The following WSB1 variants were observed in gnomAD, a reference collection of about 807,000 sequenced individuals.
The protein encoded by WSB1 is WD repeat and SOCS box containing 1, also known as WD repeat and SOCS box-containing protein 1.
In WSB1, 23 loss-of-function variants were observed where a neutral mutation model predicts 50.2. The ratio of observed to expected loss-of-function variants is 0.46; its 90% CI spans 0.33 to 0.65. The LOEUF is 0.65. Among genes scored for constraint, WSB1 ranks in the 30% least tolerant of loss-of-function variants. The probability of loss-of-function intolerance (pLI) is 0.02; values close to 1 mark genes in which losing one functional copy is unlikely to be tolerated. For missense variants in WSB1, 492 were observed against 522.3 expected, an observed-to-expected ratio of 0.94 and a Z score of 0.56; for synonymous variants, 179 against 172.0, an observed-to-expected ratio of 1.04 and a Z score of -0.32.
rs2016857816 is a variant in WSB1, at chr17:27,294,434, C to T, written c.39C>T (p.Ile13=). ...CCCCGAGGGTCAACGAGAAAGAGAT[C>T]GGTGAGGATTGGGACCGTGGGTGGG... The part of the protein sequence containing the change: ...SFPPRVNEKE[I]VRLRTIGELL... Residue 13 remains isoleucine, a splice_region_variant and synonymous_variant, in exon 1 of 9, where the codon ATC becomes ATT. Transcript: ENST00000262394. 6.2e-7 allele frequency: 1 copy of T among 1,612,708 alleles called. No homozygotes were observed. Among genetic ancestry groups the T allele is most frequent in the African/African-American group, 1.3e-5 (1 of 74,852 alleles).
intron 7 of WSB1, 88 bp from the exon 8 acceptor site, chr17:27,311,421 A>C: frequency 1.0e-6 from 1 of 984,074 alleles, no homozygotes; most frequent in Non-Finnish European, 1.5e-6. Flanking sequence ...GTGACTCATA[A>C]CTCAATGGCA....
chr17:27,301,023 C>G (rs563578554), intron 1 of WSB1, among the ~76,000 whole-genome samples: 46 of 152,244 alleles, frequency 3.0e-4, no homozygotes, highest in Non-Finnish European at 6.2e-4. Flanking sequence ...AGGCGCCCAC[C>G]ACCACGCCCA....
chr17:27,315,788 T>TATGG lies in WSB1; in HGVS notation c.*3423_*3426dup, dbSNP rs767042785. 4.6e-5 allele frequency: 7 copies of TATGG among 152,362 alleles called. No individual in the cohort carries two copies. Among genetic ancestry groups the TATGG allele is most frequent in the Non-Finnish European group, 8.8e-5 (6 of 68,036 alleles). 9.4% of individuals were successfully genotyped at this position (152,362 alleles called of 1,614,324 possible). A position where few individuals can be genotyped will look rare whatever the true frequency, so the allele number is the denominator to read the frequency against. Reference sequence around the variant, plus strand: ...TATAAAACAAATATCTAGAGTTATATATGGATGTACTATCATTTGGTGATA... The same window carrying TATGG: ...TATAAAACAAATATCTAGAGTTATATATGGATGGATGTACTATCATTTGGTGATA... On this transcript the variant is annotated 3_prime_UTR_variant, in exon 9 of 9. Coordinates refer to ENST00000262394, the MANE Select transcript of WSB1 (RefSeq NM_015626.10).
At position 27,301,925 on chromosome 17, in the gene WSB1, C is replaced by G. The variant is rs1390646070; in HGVS notation, c.178C>G (p.Leu60Val). ...GTCACAAGGACATCGCACAGTAAAG[C>G]TTGTTCCGTGGTCCCAGTGCCTTCA... ...AWSQGHRTVKLVPWSQCLQNF... is the reference protein window; with the variant it reads ...AWSQGHRTVKVVPWSQCLQNF... The change falls in exon 2 of 9, where the codon CTT becomes GTT. Residue 60 changes from leucine to valine, a missense_variant. By Grantham distance (32) the Leu-to-Val change is conservative (BLOSUM62 1). Transcript: ENST00000262394. 1.2e-6 allele frequency: 2 copies of G among 1,603,676 alleles called. No individual in the cohort carries two copies. Among genetic ancestry groups the G allele is most frequent in the African/African-American group, 1.3e-5 (1 of 74,250 alleles).
intron 7 of WSB1, among the ~76,000 whole-genome samples, chr17:27,310,769 G>T (rs1414269820): frequency 6.6e-6 from 1 of 152,182 alleles, no homozygotes. Context: ...TGCTCAGATA[G>T]ATTCTGCATG....
chr17:27,312,158 C>T, intron 8 of WSB1, 52 bp from the exon 9 acceptor site: 1 of 1,559,172 alleles, frequency 6.4e-7, no homozygotes, highest in Non-Finnish European at 8.7e-7. Context: ...GCTGTAGCAA[C>T]ACTGAAATAC....
In WSB1 at chr17:27,304,803, G is replaced by A; in HGVS notation, c.502G>A (p.Asp168Asn). ...AGGAAAACTCCTCCTTAACTTGGTAGATCATACTGAAGTGGTCAGAGATTT... is the reference window on the plus strand; with the variant it reads ...AGGAAAACTCCTCCTTAACTTGGTAAATCATACTGAAGTGGTCAGAGATTT... ...YTGKLLLNLV[D>N]HTEVVRDLTF... Residue 168 changes from aspartate to asparagine, a missense_variant, in exon 4 of 9, where the codon GAT becomes AAT. Physicochemically the swap from Asp to Asn is conservative, Grantham distance 23. Transcript: ENST00000262394. 1 of 1,613,762 alleles carries A rather than the reference G, an allele frequency of 6.2e-7. No homozygotes were observed. The highest frequency in any genetic ancestry group is 8.5e-7 in the Non-Finnish European group (1 of 1,179,826).
chr17:27,304,207 A>G (rs571080933), intron 3 of WSB1, among the ~76,000 whole-genome samples: 2 of 152,326 alleles, frequency 1.3e-5, no homozygotes, highest in South Asian at 2.1e-4. Context: ...TGATACTAAC[A>G]TAGGTGATAA....
intron 1 of WSB1, among the ~76,000 whole-genome samples, chr17:27,296,246 CTTT>C (rs796691556): frequency 6.8e-5 from 10 of 146,414 alleles, no homozygotes; most frequent in Non-Finnish European, 1.2e-4. Context: ...TCTTTTCTTT[CTTT>C]TTTTTTTTCA....
At chr17:27,309,473 GCTACTTAA>G (rs2017582781) in intron 6 of WSB1, among the ~76,000 whole-genome samples, 1 of 152,066 alleles carries the variant, frequency 6.6e-6, no homozygotes, top group Non-Finnish European at 1.5e-5. Context: ...TACAAGTCTT[GCTACTTAA>G]CAGTACCCAG....
chr17:27,312,391 G>A lies in WSB1; in HGVS notation c.*22G>A, dbSNP rs201870860. The A allele has an allele frequency of 9.3e-5, 150 of 1,611,986 alleles. No homozygotes were observed. The African/African-American group carries it at 1.8e-3, about 19-fold the overall frequency. On this transcript the variant is annotated 3_prime_UTR_variant, in exon 9 of 9. Transcript: ENST00000262394. ...TTAGAAGATTCTGCCTTCCCTAGTAGTAGGGACTGACAGAATACACTTAAC... is the reference window on the plus strand; with the variant it reads ...TTAGAAGATTCTGCCTTCCCTAGTAATAGGGACTGACAGAATACACTTAAC...
chr17:27,309,368 C>T, intron 6 of WSB1, 96 bp downstream of exon 6: 2 of 1,046,728 alleles, frequency 1.9e-6, no homozygotes, highest in South Asian at 1.8e-5. Context: ...CCTAAAATTA[C>T]AGTCTATTCT....
At chr17:27,310,019 T>G (rs1211333844) in intron 6 of WSB1, 42 bp from the exon 7 acceptor site, 1 of 1,562,434 alleles carries the variant, frequency 6.4e-7, no homozygotes, top group South Asian at 1.1e-5. Flanking sequence ...TTTGTTTTCT[T>G]GAAGTGACTG....
chr17:27,308,683 C>G (rs2017552980), intron 5 of WSB1: 1 of 986,470 alleles, frequency 1.0e-6, no homozygotes, highest in Non-Finnish European at 1.2e-6. Flanking sequence ...AATTTGTTAA[C>G]CTTACGTTTT....
chr17:27,303,363 C>T lies in WSB1; in HGVS notation c.210-4C>T. 6.2e-7 allele frequency: 1 copy of T among 1,613,018 alleles called. No homozygotes were observed. Among genetic ancestry groups the T allele is most frequent in the Non-Finnish European group, 8.5e-7 (1 of 1,179,398 alleles). ...CAATTTCCATCTGACTTCCCCCACT[C>T]CAGTCTCTTGCATGGCACCAAGAAT... On this transcript the variant is annotated splice_region_variant and splice_polypyrimidine_tract_variant and intron_variant, in intron 2 of 8. Coordinates refer to ENST00000262394, the MANE Select transcript of WSB1 (RefSeq NM_015626.10).
intron 1 of WSB1, among the ~76,000 whole-genome samples, chr17:27,294,837 G>A (rs991833552): frequency 1.3e-5 from 2 of 152,174 alleles, no homozygotes; most frequent in African/African-American, 4.8e-5. Context: ...GAAAGGAGGG[G>A]GTCCTCGTGT....
chr17:27,299,255 A>T (rs769645547), intron 1 of WSB1, among the ~76,000 whole-genome samples: 1 of 152,178 alleles, frequency 6.6e-6, no homozygotes, highest in Non-Finnish European at 1.5e-5. Flanking sequence ...TCACATCTGT[A>T]ATCCCAGTAC....
intron 7 of WSB1, 118 bp from the exon 8 acceptor site, chr17:27,311,391 T>TG: frequency 1.6e-6 from 1 of 635,164 alleles, no homozygotes; most frequent in East Asian, 2.8e-5. Flanking sequence ...AATTGCCTGT[T>TG]GGTGTGATGT....
At chr17:27,309,406 C>A in intron 6 of WSB1, 134 bp downstream of exon 6, 1 of 830,908 alleles carries the variant, frequency 1.2e-6, no homozygotes, top group Non-Finnish European at 1.8e-6. Context: ...TTATTTAAGC[C>A]CTTGACTAAT....
Sources: allele counts gnomAD v4.1 joint callset (sites outside exome capture counted in the v4.1 genomes callset), GRCh38; gene constraint gnomAD v4.1.1; transcripts MANE v1.5; gene names NCBI Gene and HGNC (gene_info 2026-07-23, HGNC 2026-07-21).